Variants in TCF4 observed in about 807,000 individuals in gnomAD.
TCF4 encodes transcription factor 4, also known as SL3-3 enhancer factor 2.
TCF4 carries 3 observed loss-of-function variants against 82.1 expected under a neutral mutation model. That is an observed-to-expected ratio of 0.04 (90% CI 0.02 to 0.09). TCF4 has a LOEUF of 0.09. TCF4 is among the 10% of genes least tolerant of loss of function. TCF4 has a pLI of 1.00. For synonymous variants in TCF4, 276 were observed against 309.6 expected (o/e 0.89, Z 1.14); for missense variants, 518 against 852.7 (o/e 0.61, Z 4.89).
At chr18:55,386,631 A>G (rs1327199366) in intron 6 of TCF4, among the ~76,000 whole-genome samples, 3 of 152,252 alleles carry the variant, frequency 2.0e-5, no homozygotes, top group Non-Finnish European at 4.4e-5. Context: ...ACAGGAGCAT[A>G]TCAAGGAAAA....
In TCF4 at chr18:55,422,197, G is replaced by A; in HGVS notation, c.305-18679C>T. 4 of 982,736 alleles carry A rather than the reference G, an allele frequency of 4.1e-6. No individual in the cohort carries two copies. In the South Asian group the frequency reaches 1.4e-4, roughly 35 times the overall value. The allele number at this position is 982,736 out of a possible 1,614,324, so 60.9% of individuals were successfully genotyped here. On this transcript the variant is annotated intron_variant, in intron 5 of 19. Transcript: ENST00000354452. ...ATACTTGCTTTTCTTTCGACCTTAT[G>A]GGTAGCACGCCGAGGGAGGCACCAG...
At chr18:55,413,483 G>T (rs1288212604) in intron 5 of TCF4, among the ~76,000 whole-genome samples, 1 of 152,146 alleles carries the variant, frequency 6.6e-6, no homozygotes, top group Non-Finnish European at 1.5e-5. Flanking sequence ...AAGAGAATGG[G>T]CCCATAATAA....
chr18:55,436,388 AG>A (rs2095330102), intron 5 of TCF4, among the ~76,000 whole-genome samples: 1 of 152,258 alleles, frequency 6.6e-6, no homozygotes, highest in African/African-American at 2.4e-5. Flanking sequence ...CAATAAAAGC[AG>A]GTTTTAATAA....
rs1449630044 is a variant in TCF4, at chr18:55,498,279, C to T, written c.146-34142G>A. Among the ~76,000 whole-genome samples the T allele has an allele frequency of 2.6e-5, 4 of 152,324 alleles. 1 individual carries two copies. Among genetic ancestry groups the T allele is most frequent in the Admixed American group, 2.0e-4 (3 of 15,304 alleles). Reference sequence around the variant, plus strand: ...GCTCACACACTCAGACTTCTGCAAGCGATGGCCCTCGCCTTACACAACCCT... The same window carrying T: ...GCTCACACACTCAGACTTCTGCAAGTGATGGCCCTCGCCTTACACAACCCT... On this transcript the variant is annotated intron_variant, in intron 3 of 19. Transcript: ENST00000354452.
chr18:55,488,256 C>T (rs930395375), intron 3 of TCF4, among the ~76,000 whole-genome samples: 6 of 152,124 alleles, frequency 3.9e-5, no homozygotes, highest in Admixed American at 6.5e-5. Context: ...ACATACATTC[C>T]GTTTTGGTGT....
At chr18:55,261,809 AAGCTATGTGACGGTCATT>A in intron 11 of TCF4, among the ~76,000 whole-genome samples, 1 of 152,326 alleles carries the variant, frequency 6.6e-6, no homozygotes, top group East Asian at 1.9e-4. Context: ...TGAATGTAGC[AAGCTATGTGACGGTCATT>A]GCTGACAAGT....
intron 8 of TCF4, among the ~76,000 whole-genome samples, chr18:55,328,764 G>C (rs182910092): frequency 6.6e-6 from 1 of 152,276 alleles, no homozygotes; most frequent in African/African-American, 2.4e-5. Context: ...TCTCAGCACA[G>C]GATGTTCTCA....
chr18:55,469,846 C>G (rs1428195871), intron 3 of TCF4, among the ~76,000 whole-genome samples: 8 of 152,132 alleles, frequency 5.3e-5, no homozygotes, highest in Non-Finnish European at 1.0e-4. Context: ...GGAAATAGGG[C>G]AGGCTAGTAT....
At chr18:55,600,048 G>T (rs888755285) in intron 2 of TCF4, among the ~76,000 whole-genome samples, 1 of 152,028 alleles carries the variant, frequency 6.6e-6, no homozygotes, top group African/African-American at 2.4e-5. Flanking sequence ...GTAGGAGAAG[G>T]CTGTTTTTTT....
intron 5 of TCF4, among the ~76,000 whole-genome samples, chr18:55,435,750 G>A (rs2147240509): frequency 6.6e-6 from 1 of 152,272 alleles, no homozygotes; most frequent in African/African-American, 2.4e-5. Context: ...AGCTCCCTCT[G>A]GCTGGCTGTT....
At chr18:55,344,816 T>C (rs72926908) in intron 8 of TCF4, among the ~76,000 whole-genome samples, 3,113 of 152,188 alleles carry the variant, frequency 0.02, 52 homozygotes, top group Non-Finnish European at 0.033. Flanking sequence ...CTGGTGGTGT[T>C]TTGTTTGAGT....
chr18:55,379,735 A>C lies in TCF4; in HGVS notation c.369+23719T>G, dbSNP rs149030332. On this transcript the variant is annotated intron_variant, in intron 6 of 19. Coordinates refer to ENST00000354452, the MANE Select transcript of TCF4 (RefSeq NM_001083962.2). Reference sequence around the variant, plus strand: ...CAGGACTTAAAATACATAATTAATGATGTCTAAGTCAATTTAGCTGCTATA... The same window carrying C: ...CAGGACTTAAAATACATAATTAATGCTGTCTAAGTCAATTTAGCTGCTATA... 2.5e-3 allele frequency among the ~76,000 whole-genome samples: 381 copies of C among 152,332 alleles called. 5 individuals are homozygous for C. The highest frequency in any genetic ancestry group is 0.017 in the Middle Eastern group (5 of 294).
chr18:55,238,122 C>T (rs746222892), intron 15 of TCF4, among the ~76,000 whole-genome samples: 12 of 152,196 alleles, frequency 7.9e-5, no homozygotes, highest in Non-Finnish European at 1.8e-4. Flanking sequence ...AGGAGATTCC[C>T]ACAAGTCAAT....
upstream of TCF4, among the ~76,000 whole-genome samples, chr18:55,593,483 C>G (rs1332789869): frequency 6.6e-6 from 1 of 151,854 alleles, no homozygotes; most frequent in Non-Finnish European, 1.5e-5. Context: ...GATTCATAGA[C>G]AAAAAACATT....
chr18:55,295,532 C>A (rs183553197), intron 8 of TCF4, among the ~76,000 whole-genome samples: 1 of 152,308 alleles, frequency 6.6e-6, no homozygotes, highest in East Asian at 1.9e-4. Context: ...AGATCTGCCT[C>A]CCTTGGCTTC....
At chr18:55,477,413 A>C (rs1046297801) in intron 3 of TCF4, among the ~76,000 whole-genome samples, 1 of 152,264 alleles carries the variant, frequency 6.6e-6, no homozygotes, top group East Asian at 1.9e-4. Flanking sequence ...AATACTTGCT[A>C]ATGTTCACAA....
intron 3 of TCF4, among the ~76,000 whole-genome samples, chr18:55,533,616 G>C (rs2097089821): frequency 6.6e-6 from 1 of 152,172 alleles, no homozygotes; most frequent in Non-Finnish European, 1.5e-5. Context: ...AACCTTTCTT[G>C]ACGTTTTTCA....
At chr18:55,407,736 CT>C (rs2094164871) in intron 5 of TCF4, among the ~76,000 whole-genome samples, 1 of 150,936 alleles carries the variant, frequency 6.6e-6, no homozygotes. Context: ...GGAAAATTTG[CT>C]TTTTATTTGA....
intron 8 of TCF4, among the ~76,000 whole-genome samples, chr18:55,320,493 G>A (rs2075229290): frequency 6.6e-6 from 1 of 152,202 alleles, no homozygotes; most frequent in Non-Finnish European, 1.5e-5. Flanking sequence ...AAACAGTTGT[G>A]TATATGTATG....
Sources: allele counts gnomAD v4.1 joint callset (sites outside exome capture counted in the v4.1 genomes callset), GRCh38; gene constraint gnomAD v4.1.1; transcripts MANE v1.5; gene names NCBI Gene and HGNC (gene_info 2026-07-23, HGNC 2026-07-21).